Variants in CELF2 observed in about 807,000 individuals in gnomAD.
The protein encoded by CELF2 is CUG triplet repeat RNA-binding protein 2.
CELF2 carries 8 observed loss-of-function variants against 62.6 expected under a neutral mutation model. That is an observed-to-expected ratio of 0.13 (90% CI 0.07 to 0.23). The LOEUF (loss-of-function observed/expected upper bound fraction) is 0.23. Ranked by LOEUF, CELF2 falls within the 10% of genes least tolerant of loss-of-function variation. The probability of loss-of-function intolerance (pLI) is 1.00; values close to 1 mark genes in which losing one functional copy is unlikely to be tolerated. For synonymous variants in CELF2, 258 were observed against 250.0 expected (o/e 1.03, Z -0.30); for missense variants, 333 against 671.0 (o/e 0.50, Z 5.56).
chr10:10,653,690 C>T, the CELF2 span, among the ~76,000 whole-genome samples: 1 of 145,902 alleles, frequency 6.9e-6, no homozygotes, highest in South Asian at 2.6e-4. Context: ...ACACAACATA[C>T]CAGAATCTCT....
At chr10:10,488,189 C>T in the CELF2 span, among the ~76,000 whole-genome samples, 5 of 151,910 alleles carry the variant, frequency 3.3e-5, no homozygotes, top group Non-Finnish European at 7.4e-5. Flanking sequence ...ATTATATTGC[C>T]TTTTCAATGC....
At chr10:11,060,813 A>G (rs1323176926) in intron 1 of CELF2, among the ~76,000 whole-genome samples, 5 of 152,184 alleles carry the variant, frequency 3.3e-5, no homozygotes, top group Admixed American at 3.3e-4. Flanking sequence ...GTGATCTGTG[A>G]TCCATGATCT....
At chr10:11,055,892 C>T (rs1342434958) in intron 1 of CELF2, among the ~76,000 whole-genome samples, 1 of 152,242 alleles carries the variant, frequency 6.6e-6, no homozygotes, top group Non-Finnish European at 1.5e-5. Flanking sequence ...CCATCTACAG[C>T]ACTCACTACA....
Position 11,237,579 on chromosome 10 carries a change from G to A in CELF2, c.355-11574G>A, listed in dbSNP as rs768687272. Among the ~76,000 whole-genome samples, 1 of 152,236 alleles carries A rather than the reference G, an allele frequency of 6.6e-6. No homozygotes were observed. Among genetic ancestry groups the A allele is most frequent in the African/African-American group, 2.4e-5 (1 of 41,460 alleles). ...TACCAGGTCGTCAAGGGGAGCCCAG[G>A]TGCAAGGGCTGCTTCAGCCCCACTA... On this transcript the variant is annotated intron_variant, in intron 3 of 12. Transcript: ENST00000633077. The surrounding 1 kb of genome is among the most constrained non-coding windows in gnomAD (Gnocchi z 4.0).
chr10:11,289,275 A>G (rs904428894), intron 9 of CELF2, among the ~76,000 whole-genome samples: 1 of 152,132 alleles, frequency 6.6e-6, no homozygotes, highest in African/African-American at 2.4e-5. Context: ...CTTTTCTGTT[A>G]CATGAAGGAG....
chr10:10,621,566 T>G, the CELF2 span, among the ~76,000 whole-genome samples: 2 of 152,254 alleles, frequency 1.3e-5, no homozygotes, highest in South Asian at 4.1e-4. Context: ...ATTTACCCCC[T>G]TTCTGAAGGG....
chr10:10,977,016 T>G (rs1158617685), intron 2 of CELF2, among the ~76,000 whole-genome samples: 2 of 152,216 alleles, frequency 1.3e-5, no homozygotes, highest in African/African-American at 4.8e-5. Context: ...AAAGAAATTC[T>G]GACACCTAAA....
Position 11,165,295 on chromosome 10 carries a change from C to A in CELF2, c.75-191C>A. ...ACAGCAGCACGCAGTGAGAGCCTCG[C>A]CGCCGCCGAGGAGCAACTCATGGTG... On this transcript the variant is annotated intron_variant, in intron 1 of 12. Coordinates refer to ENST00000633077, the MANE Select transcript of CELF2 (RefSeq NM_001326342.2). This position sits in a 1 kb window ranked among gnomAD's most constrained non-coding sequence, Gnocchi z 7.4. 7.1e-7 allele frequency: 1 copy of A among 1,399,984 alleles called. No homozygotes were observed. 86.7% of individuals were successfully genotyped at this position (1,399,984 alleles called of 1,614,324 possible). A position where few individuals can be genotyped will look rare whatever the true frequency, so the allele number is the denominator to read the frequency against.
chr10:10,776,838 C>G, the CELF2 span, among the ~76,000 whole-genome samples: 1 of 152,212 alleles, frequency 6.6e-6, no homozygotes, highest in Non-Finnish European at 1.5e-5. Flanking sequence ...CCTTATTTTC[C>G]CCATTGGCCA....
chr10:10,631,281 T>A, the CELF2 span, among the ~76,000 whole-genome samples: 1 of 152,192 alleles, frequency 6.6e-6, no homozygotes, highest in Non-Finnish European at 1.5e-5. Context: ...AAGAAAACGC[T>A]AGTTCAAAAC....
chr10:10,482,230 C>A, the CELF2 span, among the ~76,000 whole-genome samples: 2 of 152,176 alleles, frequency 1.3e-5, no homozygotes, highest in Admixed American at 1.3e-4. Context: ...TATCCCAATG[C>A]ATATGGTATG....
chr10:11,305,216 A>G lies in CELF2; in HGVS notation c.977-8923A>G, dbSNP rs1370938390. On this transcript the variant is annotated intron_variant, in intron 9 of 12. Transcript: ENST00000633077. This position sits in a 1 kb window ranked among gnomAD's most constrained non-coding sequence, Gnocchi z 4.8. ...AGCAGAGAAAAGAACTTTTTTCTGG[A>G]AAGTGGAGCTCAGGTCCTTGCCTCT... 2.6e-5 allele frequency among the ~76,000 whole-genome samples: 4 copies of G among 152,194 alleles called. No homozygotes were observed. Among genetic ancestry groups the G allele is most frequent in the African/African-American group, 9.7e-5 (4 of 41,450 alleles).
intron 2 of CELF2, among the ~76,000 whole-genome samples, chr10:11,166,685 C>A (rs1277768515): frequency 6.6e-6 from 1 of 152,162 alleles, no homozygotes; most frequent in Non-Finnish European, 1.5e-5. Flanking sequence ...TATTTTATTT[C>A]TATATTGCTT....
chr10:11,027,474 C>T (rs892127071), intron 1 of CELF2, among the ~76,000 whole-genome samples: 3 of 149,236 alleles, frequency 2.0e-5, no homozygotes, highest in Admixed American at 6.7e-5. Context: ...AGAGGCAAGT[C>T]GTTTTTTTTA....
rs2096066289 is a variant in CELF2 at position 11,333,484 on chromosome 10, G to C, written c.*4431G>C. 6.6e-6 allele frequency: 1 copy of C among 152,022 alleles called. No individual in the cohort carries two copies. Among genetic ancestry groups the C allele is most frequent in the African/African-American group, 2.4e-5 (1 of 41,234 alleles). The allele number at this position is 152,022 out of a possible 1,614,324, so 9.4% of individuals were successfully genotyped here. A position where few individuals can be genotyped will look rare whatever the true frequency, so the allele number is the denominator to read the frequency against. On this transcript the variant is annotated 3_prime_UTR_variant, in exon 13 of 13. Coordinates refer to ENST00000633077, the MANE Select transcript of CELF2 (RefSeq NM_001326342.2). ...TTCTTTCACCATAGGGGTTATAGTT[G>C]GCTTGTGCTACTCTGGAATCATTTT...
At chr10:11,189,480 T>A (rs2075799712) in intron 2 of CELF2, among the ~76,000 whole-genome samples, 1 of 152,358 alleles carries the variant, frequency 6.6e-6, no homozygotes, top group African/African-American at 2.4e-5. Flanking sequence ...AGGTCTCTAA[T>A]CTCACTGAGG....
the CELF2 span, among the ~76,000 whole-genome samples, chr10:10,718,987 T>C: frequency 8.1e-5 from 6 of 73,932 alleles, no homozygotes; most frequent in African/African-American, 1.8e-4. Flanking sequence ...ATTATTCTCT[T>C]TTTTTTTTTT....
In CELF2 at chr10:11,112,588, G is replaced by A. The variant is rs186345037; in HGVS notation, c.75-52898G>A. 3.1e-3 allele frequency among the ~76,000 whole-genome samples: 479 copies of A among 152,364 alleles called. 3 individuals carry two copies. The highest frequency in any genetic ancestry group is 3.2e-3 in the Non-Finnish European group (218 of 68,036). On this transcript the variant is annotated intron_variant, in intron 1 of 12. Transcript: ENST00000633077. ...TTTTCTGATAGCAAAGGAAGAAGTAGATGTGGTGGATAGCGAAAGATGTCT... is the reference window on the plus strand; with the variant it reads ...TTTTCTGATAGCAAAGGAAGAAGTAAATGTGGTGGATAGCGAAAGATGTCT...
chr10:10,632,458 C>T, the CELF2 span, among the ~76,000 whole-genome samples: 54 of 152,070 alleles, frequency 3.6e-4, no homozygotes, highest in African/African-American at 1.2e-3. Context: ...CACACACACA[C>T]GTATAAGCTT....
Sources: gnomAD v4.1 joint callset for allele counts (sites outside exome capture counted in the v4.1 genomes callset) on GRCh38, gnomAD v4.1.1 for gene constraint, Gnocchi (gnomAD v3.1) non-coding constraint, MANE v1.5 for transcripts, NCBI Gene and HGNC (gene_info 2026-07-23, HGNC 2026-07-21) for gene names.